Variants in COL4A2 observed in about 807,000 individuals in gnomAD.
COL4A2 encodes collagen type IV alpha 2 chain, also known as collagen alpha-2(IV) chain.
In COL4A2, 99 loss-of-function variants were observed where a neutral mutation model predicts 200.2. The observed-to-expected ratio is 0.49, with a 90% confidence interval of 0.42 to 0.58. COL4A2 has a LOEUF of 0.58. Ranked by LOEUF, COL4A2 falls within the 20% of genes least tolerant of loss-of-function variation. COL4A2 has a pLI of 0.00. For missense variants in COL4A2, 1,950 were observed against 2,314.1 expected (o/e 0.84, Z 3.23); for synonymous variants, 897 against 900.6 (o/e 1.00, Z 0.07).
intron 4 of COL4A2, among the ~76,000 whole-genome samples, chr13:110,385,567 TGGCTGCAGTGTGTGGATAGGCC>T (rs1878680547): frequency 7.0e-6 from 1 of 143,734 alleles, no homozygotes; most frequent in African/African-American, 2.6e-5. Flanking sequence ...GGATAGACCG[TGGCTGCAGTGTGTGGATAGGCC>T]GTGGTTACAG....
chr13:110,323,746 C>G (rs950477649), intron 3 of COL4A2, among the ~76,000 whole-genome samples: 8 of 152,274 alleles, frequency 5.3e-5, no homozygotes, highest in African/African-American at 1.9e-4. Context: ...ACGCTGCCCC[C>G]AGCGCCCAGC....
chr13:110,446,000 C>T, intron 17 of COL4A2, 118 bp downstream of exon 17: 1 of 1,037,334 alleles, frequency 9.6e-7, no homozygotes, highest in Non-Finnish European at 1.5e-6. Context: ...TACAAGATCC[C>T]CAAATACACG....
chr13:110,449,026 CACGTGG>C (rs1487009633), intron 18 of COL4A2, among the ~76,000 whole-genome samples: 1 of 150,702 alleles, frequency 6.6e-6, no homozygotes, highest in Admixed American at 6.6e-5. Context: ...CTGTCCCTTG[CACGTGG>C]GACTTCAGTG....
At chr13:110,385,467 G>GCCGTGGTTACAGTGTGTGGATGGA (rs1878661330) in intron 4 of COL4A2, among the ~76,000 whole-genome samples, 1 of 84,544 alleles carries the variant, frequency 1.2e-5, no homozygotes, top group Non-Finnish European at 2.5e-5. Context: ...GTGTGGATAG[G>GCCGTGGTTACAGTGTGTGGATGGA]CCGTGGTTAC....
chr13:110,440,889 C>G (rs1315229848), intron 16 of COL4A2, among the ~76,000 whole-genome samples: 1 of 152,124 alleles, frequency 6.6e-6, no homozygotes, highest in Non-Finnish European at 1.5e-5. Flanking sequence ...AACGGAGCAA[C>G]AAAAGAAATG....
intron 3 of COL4A2, among the ~76,000 whole-genome samples, chr13:110,317,204 A>T (rs1056880359): frequency 1.3e-5 from 2 of 148,342 alleles, no homozygotes; most frequent in African/African-American, 5.0e-5. Flanking sequence ...ACATAGACAC[A>T]CACGTGCACC....
intron 11 of COL4A2, among the ~76,000 whole-genome samples, chr13:110,432,700 C>T (rs376799805): frequency 6.6e-5 from 10 of 152,140 alleles, no homozygotes; most frequent in Admixed American, 1.3e-4. Context: ...CATTGATTTA[C>T]GAGAATGGAC....
At chr13:110,491,166 C>A in intron 36 of COL4A2, 67 bp from the exon 37 acceptor site, 1 of 1,073,258 alleles carries the variant, frequency 9.3e-7, no homozygotes, top group Non-Finnish European at 1.4e-6. Flanking sequence ...ATCCTAGAGC[C>A]GGGGTTCCAG....
At chr13:110,447,793 G>T (rs928897875) in intron 18 of COL4A2, among the ~76,000 whole-genome samples, 16 of 152,158 alleles carry the variant, frequency 1.1e-4, no homozygotes, top group African/African-American at 3.6e-4. Context: ...GAAGGGTAGG[G>T]TTTTTTAAAT....
rs528009532 is a variant in COL4A2, at chr13:110,449,874, G to A, written c.1189+85G>A. The A allele has an allele frequency of 2.0e-5, 28 of 1,395,762 alleles. No homozygotes were observed. The Middle Eastern group carries it at 9.9e-4, about 49-fold the overall frequency. The allele number at this position is 1,395,762 out of a possible 1,614,324, so 86.5% of individuals were successfully genotyped here. A position where few individuals can be genotyped will look rare whatever the true frequency, so the allele number is the denominator to read the frequency against. ...CACACACAAGGGAGACTTCGTTGACGACGTAGCTATGTCGTTGTTACTTTT... is the reference window on the plus strand; with the variant it reads ...CACACACAAGGGAGACTTCGTTGACAACGTAGCTATGTCGTTGTTACTTTT... On this transcript the variant is annotated intron_variant, in intron 19 of 47. Coordinates refer to ENST00000360467, the MANE Select transcript of COL4A2 (RefSeq NM_001846.4).
intron 47 of COL4A2, among the ~76,000 whole-genome samples, chr13:110,509,256 T>G (rs1883993161): frequency 8.5e-6 from 1 of 117,146 alleles, no homozygotes; most frequent in Non-Finnish European, 1.7e-5. Flanking sequence ...TATATATATA[T>G]ATATATATAT....
intron 20 of COL4A2, among the ~76,000 whole-genome samples, chr13:110,454,283 G>A (rs1881638951): frequency 6.6e-6 from 1 of 152,144 alleles, no homozygotes; most frequent in South Asian, 2.1e-4. Flanking sequence ...TTAGAGAAAA[G>A]GAGAGCAGCA....
At chr13:110,312,475 T>A (rs938348360) in intron 3 of COL4A2, among the ~76,000 whole-genome samples, 3 of 152,232 alleles carry the variant, frequency 2.0e-5, no homozygotes, top group Non-Finnish European at 4.4e-5. Context: ...AATGGATGTG[T>A]AGTTTAAATA....
chr13:110,496,591 G>A (rs1282836901), intron 40 of COL4A2, among the ~76,000 whole-genome samples: 2 of 126,428 alleles, frequency 1.6e-5, no homozygotes, highest in African/African-American at 3.0e-5. Flanking sequence ...GCCTCAGTCA[G>A]AGTTGAGGAT....
At chr13:110,474,203 T>C (rs1236418934) in intron 29 of COL4A2, among the ~76,000 whole-genome samples, 1 of 152,128 alleles carries the variant, frequency 6.6e-6, no homozygotes, top group African/African-American at 2.4e-5. Flanking sequence ...GTTGATGGCA[T>C]TGTCGTTAGT....
intron 3 of COL4A2, among the ~76,000 whole-genome samples, chr13:110,325,729 T>C (rs957351175): frequency 1.3e-5 from 2 of 152,086 alleles, no homozygotes; most frequent in Non-Finnish European, 2.9e-5. Context: ...GCTTTGTGCA[T>C]TGTCAAGGAG....
chr13:110,438,869 T>C (rs918987685), intron 15 of COL4A2, among the ~76,000 whole-genome samples: 1 of 141,266 alleles, frequency 7.1e-6, no homozygotes, highest in African/African-American at 2.7e-5. Context: ...CTGCGCTGGC[T>C]ACAATCCGTG....
chr13:110,474,730 TACC>T lies in COL4A2; in HGVS notation c.2425+1581_2425+1583del, dbSNP rs1882623954. Among the ~76,000 whole-genome samples, 4 of 112,154 alleles carry T rather than the reference TACC, an allele frequency of 3.6e-5. 2 individuals are homozygous for T. The highest frequency in any genetic ancestry group is 6.0e-4 in the East Asian group (2 of 3,330). The allele number at this position is 112,154 out of a possible 152,430, so 73.6% of individuals were successfully genotyped here. On this transcript the variant is annotated intron_variant, in intron 29 of 47. Transcript: ENST00000360467. ...ACACTCACATGATCACACACGCACG[TACC>T]CACACACGTGCCGTGCACACTCACA...
Position 110,495,473 on chromosome 13 carries a change from G to T in COL4A2, c.3760+6G>T. 6.2e-7 allele frequency: 1 copy of T among 1,610,636 alleles called. No homozygotes were observed. ...AGGAGACCAAGGAGCTCCAGGTGAG[G>T]CCACACATTCCAAGCCAACATTGCC... On this transcript the variant is annotated splice_donor_region_variant and intron_variant, in intron 40 of 47. Coordinates refer to ENST00000360467, the MANE Select transcript of COL4A2 (RefSeq NM_001846.4).
Sources: gnomAD v4.1 joint callset for allele counts (sites outside exome capture counted in the v4.1 genomes callset) on GRCh38, gnomAD v4.1.1 for gene constraint, MANE v1.5 for transcripts, NCBI Gene and HGNC (gene_info 2026-07-23, HGNC 2026-07-21) for gene names.